The following CECR2 variants were observed in gnomAD, a reference collection of about 807,000 sequenced individuals.
The protein encoded by CECR2 is CECR2 histone acetyl-lysine reader, also known as chromatin remodeling regulator CECR2.
In CECR2, 30 loss-of-function variants were observed where a neutral mutation model predicts 154.5. The observed-to-expected ratio is 0.19, with a 90% CI of 0.15 to 0.26. The LOEUF (loss-of-function observed/expected upper bound fraction) is 0.26, where lower values mean the gene tolerates loss of function less well. Among genes scored for constraint, CECR2 ranks in the 10% least tolerant of loss-of-function variants. The pLI, the probability that CECR2 is intolerant of heterozygous loss-of-function variation, is 1.00. For missense variants in CECR2, 1,743 were observed against 1,829.3 expected (o/e 0.95, Z 0.86); for synonymous variants, 725 against 683.7 (o/e 1.06, Z -0.94).
At chr22:17,435,684 T>TAAAAA (rs10694414) in intron 1 of CECR2, among the ~76,000 whole-genome samples, 9 of 90,926 alleles carry the variant, frequency 9.9e-5, no homozygotes, top group East Asian at 7.2e-4. Flanking sequence ...TTTTAATTCT[T>TAAAAA]AAAAAAAAAA....
intron 1 of CECR2, among the ~76,000 whole-genome samples, chr22:17,459,804 A>G (rs1311398623): frequency 3.3e-5 from 5 of 152,206 alleles, no homozygotes; most frequent in Admixed American, 2.6e-4. Flanking sequence ...GGCTTTTCAC[A>G]TGGGTTTTCC....
intron 1 of CECR2, among the ~76,000 whole-genome samples, chr22:17,370,765 C>A (rs960742656): frequency 3.9e-5 from 6 of 152,190 alleles, no homozygotes; most frequent in African/African-American, 1.4e-4. Context: ...GCGGCGCACT[C>A]GGCGGCCAGG....
chr22:17,380,402 A>G (rs1488415420), intron 1 of CECR2, among the ~76,000 whole-genome samples: 1 of 152,256 alleles, frequency 6.6e-6, no homozygotes, highest in African/African-American at 2.4e-5. Flanking sequence ...GGCCTTTACA[A>G]AAGACATTGG....
At position 17,502,317 on chromosome 22, in the gene CECR2, A is replaced by G. The variant is rs1000701125; in HGVS notation, c.651-765A>G. 4.6e-5 allele frequency among the ~76,000 whole-genome samples: 7 copies of G among 152,316 alleles called. No individual in the cohort carries two copies. In the South Asian group the frequency reaches 1.2e-3, roughly 27 times the overall value. On this transcript the variant is annotated intron_variant, in intron 5 of 18. Coordinates refer to ENST00000262608, the MANE Select transcript of CECR2 (RefSeq NM_001290047.2). ...CCTCTGCCTTAGGTAAGGATCAATT[A>G]TAATAAATACACCTGTCTTCAGTGC...
chr22:17,539,059 T>A lies in CECR2; in HGVS notation c.1435T>A (p.Phe479Ile), dbSNP rs1480467022. 6.2e-7 allele frequency: 1 copy of A among 1,613,892 alleles called. No individual in the cohort carries two copies. The highest frequency in any genetic ancestry group is 8.5e-7 in the Non-Finnish European group (1 of 1,179,846). Residue 479 changes from phenylalanine (F) to isoleucine (I), a missense_variant, in exon 13 of 19, where the codon TTT (phenylalanine) becomes ATT (isoleucine). Physicochemically the swap from Phe to Ile is conservative, Grantham distance 21. Around this residue, in one of 4 missense-constraint regions of CECR2, gnomAD observed 103 missense variants for 166.8 expected, o/e 0.62. Coordinates refer to ENST00000262608, the MANE Select transcript of CECR2 (RefSeq NM_001290047.2). ...NGGLYCTKEE[F>I]VNDMKTMFRN... ...AGGTTTATACTGTACCAAGGAGGAA[T>A]TTGTAAATGACATGAAGACCATGTT...
chr22:17,422,028 C>T (rs577369091), intron 1 of CECR2, among the ~76,000 whole-genome samples: 3 of 143,548 alleles, frequency 2.1e-5, no homozygotes, highest in East Asian at 4.0e-4. Flanking sequence ...TTTCACTCCC[C>T]TCGTCTTGCT....
intron 1 of CECR2, among the ~76,000 whole-genome samples, chr22:17,396,402 T>C (rs79790729): frequency 0.053 from 8,104 of 152,100 alleles, 342 homozygotes; most frequent in African/African-American, 0.12. Context: ...AAAAATTAGC[T>C]GGGTGTGGTG....
chr22:17,386,646 G>A (rs566067389), intron 1 of CECR2, among the ~76,000 whole-genome samples: 3 of 150,874 alleles, frequency 2.0e-5, no homozygotes, highest in South Asian at 4.2e-4. Context: ...TCCAGCCACA[G>A]AAATGTGCCT....
At chr22:17,529,945 T>C (rs1297425151) in intron 9 of CECR2, among the ~76,000 whole-genome samples, 1 of 152,170 alleles carries the variant, frequency 6.6e-6, no homozygotes, top group Non-Finnish European at 1.5e-5. Flanking sequence ...TTTTAAAAAT[T>C]ACAACAGTTT....
intron 1 of CECR2, among the ~76,000 whole-genome samples, chr22:17,422,679 C>T (rs965966839): frequency 1.3e-5 from 2 of 150,754 alleles, no homozygotes; most frequent in African/African-American, 4.9e-5. Context: ...TCCCAGAGTT[C>T]TTGGGTATTA....
intron 1 of CECR2, among the ~76,000 whole-genome samples, chr22:17,416,939 AT>A (rs2054164451): frequency 6.6e-6 from 1 of 152,124 alleles, no homozygotes; most frequent in Non-Finnish European, 1.5e-5. Context: ...TTATTTCCAT[AT>A]AGTAACTCCT....
chr22:17,378,291 G>GT (rs973730867), intron 1 of CECR2, among the ~76,000 whole-genome samples: 60 of 145,118 alleles, frequency 4.1e-4, no homozygotes, highest in Admixed American at 1.9e-3. Flanking sequence ...CTGTTTTTTT[G>GT]TTTTTTTGTT....
chr22:17,405,562 C>G (rs1015874372), intron 1 of CECR2, among the ~76,000 whole-genome samples: 2 of 147,554 alleles, frequency 1.4e-5, no homozygotes, highest in African/African-American at 5.0e-5. Context: ...ATCGCTTGAA[C>G]CTAGGAGGCA....
intron 1 of CECR2, among the ~76,000 whole-genome samples, chr22:17,390,429 C>T: frequency 6.6e-6 from 1 of 152,164 alleles, no homozygotes; most frequent in South Asian, 2.1e-4. Context: ...CTTTCCACTG[C>T]AAAGTTACTG....
intron 1 of CECR2, among the ~76,000 whole-genome samples, chr22:17,475,127 G>A (rs763687649): frequency 1.8e-4 from 28 of 152,156 alleles, no homozygotes; most frequent in Non-Finnish European, 3.4e-4. Flanking sequence ...TGGGAGCAGC[G>A]TGGGGGAGCT....
At chr22:17,445,120 A>AT (rs1267993284) in intron 1 of CECR2, among the ~76,000 whole-genome samples, 1 of 152,230 alleles carries the variant, frequency 6.6e-6, no homozygotes, top group South Asian at 2.1e-4. Context: ...GACTATTCAT[A>AT]TACCTCATAT....
At chr22:17,410,474 G>T (rs1158439306) in intron 1 of CECR2, among the ~76,000 whole-genome samples, 25 of 151,770 alleles carry the variant, frequency 1.6e-4, no homozygotes, top group Admixed American at 1.6e-3. Flanking sequence ...TTTTGAGACA[G>T]TCTCTCTCTG....
chr22:17,511,991 A>AT (rs961774183), intron 8 of CECR2, 95 bp downstream of exon 8: 58 of 942,462 alleles, frequency 6.2e-5, no homozygotes, highest in South Asian at 8.2e-5. Flanking sequence ...ATTTTCCTTC[A>AT]TTTTTTTTCC....
At chr22:17,378,465 T>G (rs2063146948) in intron 1 of CECR2, among the ~76,000 whole-genome samples, 1 of 151,340 alleles carries the variant, frequency 6.6e-6, no homozygotes, top group African/African-American at 2.4e-5. Context: ...CCTGGCTAAT[T>G]TTTTGTATTT....
Sources: gnomAD v4.1 joint callset for allele counts (sites outside exome capture counted in the v4.1 genomes callset) on GRCh38, gnomAD v4.1.1 for gene constraint, gnomAD v4.1.1 regional missense constraint, MANE v1.5 for transcripts, NCBI Gene and HGNC (gene_info 2026-07-23, HGNC 2026-07-21) for gene names.